Variants in CELF1 observed in about 807,000 individuals in gnomAD.
The protein encoded by CELF1 is CUGBP Elav-like family member 1.
A neutral mutation model predicts 61.8 loss-of-function variants in CELF1; 10 were observed. That is an observed-to-expected ratio of 0.16 (90% CI 0.10 to 0.27). The LOEUF (loss-of-function observed/expected upper bound fraction) is 0.27, where lower values mean the gene tolerates loss of function less well. Ranked by LOEUF, CELF1 falls within the 10% of genes least tolerant of loss-of-function variation. The probability of loss-of-function intolerance (pLI) is 1.00; values close to 1 mark genes in which losing one functional copy is unlikely to be tolerated. For synonymous variants in CELF1, 236 were observed against 225.1 expected (o/e 1.05, Z -0.43); for missense variants, 380 against 639.1 (o/e 0.59, Z 4.37).
intron 4 of CELF1, 107 bp from the exon 5 acceptor site, chr11:47,487,348 T>A: frequency 1.3e-6 from 1 of 761,730 alleles, no homozygotes; most frequent in Non-Finnish European, 2.1e-6. Flanking sequence ...CTGGGTTTAT[T>A]AAAATTAGTG....
At chr11:47,564,718 G>A (rs2097239162) in intron 1 of CELF1, among the ~76,000 whole-genome samples, 1 of 152,194 alleles carries the variant, frequency 6.6e-6, no homozygotes, top group Non-Finnish European at 1.5e-5. Flanking sequence ...TTGAACCCGG[G>A]AGGCGGAGGT....
upstream of CELF1, among the ~76,000 whole-genome samples, chr11:47,556,397 C>T (rs1458128064): frequency 6.6e-6 from 1 of 152,160 alleles, no homozygotes; most frequent in Non-Finnish European, 1.5e-5. Flanking sequence ...GTTGCCCAGG[C>T]TGATCTCAAA....
intron 4 of CELF1, among the ~76,000 whole-genome samples, 196 bp from the exon 5 acceptor site, chr11:47,487,437 T>C (rs2088145090): frequency 6.6e-6 from 1 of 152,222 alleles, no homozygotes; most frequent in Admixed American, 6.5e-5. Context: ...CACTTTATTG[T>C]TTTAGTCTCC....
At chr11:47,507,521 CA>C (rs1205650924) in intron 1 of CELF1, among the ~76,000 whole-genome samples, 3 of 152,080 alleles carry the variant, frequency 2.0e-5, no homozygotes, top group African/African-American at 7.2e-5. Flanking sequence ...AGAGGAACCA[CA>C]AAACCAATTT....
At position 47,563,646 on chromosome 11, in the gene CELF1, G is replaced by A. The variant is rs11039298; in HGVS notation, c.-11+705C>T. ...GGAGGTTGCAGTGAGTGGAGATGGC[G>A]CCACTACACTTCAGCCTAGTCAATA... On this transcript the variant is annotated intron_variant, in intron 2 of 3. Transcript: ENST00000525841. 6.9e-3 allele frequency among the ~76,000 whole-genome samples: 1,051 copies of A among 152,220 alleles called. 14 individuals are homozygous for A. Among genetic ancestry groups the A allele is most frequent in the African/African-American group, 0.023 (973 of 41,544 alleles).
At chr11:47,525,673 G>C (rs534854813) in intron 1 of CELF1, among the ~76,000 whole-genome samples, 4 of 152,114 alleles carry the variant, frequency 2.6e-5, no homozygotes, top group African/African-American at 9.7e-5. Flanking sequence ...TAGTATCAGT[G>C]ACCTCCAATC....
intron 1 of CELF1, among the ~76,000 whole-genome samples, chr11:47,515,156 C>A (rs1174034898): frequency 6.6e-6 from 1 of 152,234 alleles, no homozygotes; most frequent in East Asian, 1.9e-4. Context: ...TTCTACCTAT[C>A]ATTGCAGTTT....
At chr11:47,521,182 G>C (rs1016066775) in intron 1 of CELF1, among the ~76,000 whole-genome samples, 3 of 152,146 alleles carry the variant, frequency 2.0e-5, no homozygotes, top group Admixed American at 2.0e-4. Context: ...AACCTGGGAG[G>C]CGGAGTTTGC....
intron 1 of CELF1, among the ~76,000 whole-genome samples, chr11:47,537,437 C>G (rs1341041477): frequency 1.3e-5 from 2 of 151,836 alleles, no homozygotes; most frequent in East Asian, 3.9e-4. Context: ...TTAGTAGAGA[C>G]GGGGTTTCAC....
intron 1 of CELF1, among the ~76,000 whole-genome samples, chr11:47,545,915 ATT>A (rs11315630): frequency 0.087 from 11,768 of 135,456 alleles, 567 homozygotes; most frequent in African/African-American, 0.11. Context: ...GTATATATAT[ATT>A]TTTTTTTTTT....
upstream of CELF1, chr11:47,553,173 A>T (rs923012273): frequency 1.0e-4 from 40 of 392,960 alleles, no homozygotes; most frequent in Admixed American, 2.7e-4. Flanking sequence ...ACCGGCGGGG[A>T]GGGCAGAGGA....
rs1020254474 is a variant in CELF1, at chr11:47,466,831, A to C, written c.*5399T>G. The stretch of plus-strand genomic sequence containing the variant: ...GGGAGCCTCAGTGCCTCCTGCCAAC[A>C]GAGGCGGCTCTGTGCAGTCAGACTG... On this transcript the variant is annotated 3_prime_UTR_variant, in exon 15 of 15. Coordinates refer to ENST00000687097, the MANE Select transcript of CELF1 (RefSeq NM_001376376.1). The C allele has an allele frequency of 2.0e-5, 3 of 152,236 alleles. No homozygotes were observed. The highest frequency in any genetic ancestry group is 7.2e-5 in the African/African-American group (3 of 41,456). 9.4% of individuals were successfully genotyped at this position (152,236 alleles called of 1,614,324 possible).
chr11:47,477,456 C>A, intron 10 of CELF1, 31 bp from the exon 11 acceptor site: 1 of 1,609,348 alleles, frequency 6.2e-7, no homozygotes, highest in Non-Finnish European at 8.5e-7. Context: ...GATTAGCCAG[C>A]AGATAAGGGT....
chr11:47,499,299 A>G (rs1047111907), intron 3 of CELF1, among the ~76,000 whole-genome samples, 154 bp downstream of exon 3: 1 of 152,222 alleles, frequency 6.6e-6, no homozygotes, highest in Non-Finnish European at 1.5e-5. Flanking sequence ...ACAGACTACA[A>G]TTGAAAATAA....
chr11:47,532,378 G>A (rs2096505728), intron 1 of CELF1, among the ~76,000 whole-genome samples: 1 of 152,166 alleles, frequency 6.6e-6, no homozygotes, highest in Non-Finnish European at 1.5e-5. Context: ...TTAAAATGGG[G>A]AATCCACATA....
At chr11:47,534,696 C>T (rs2096585325) in intron 1 of CELF1, among the ~76,000 whole-genome samples, 1 of 152,000 alleles carries the variant, frequency 6.6e-6, no homozygotes, top group African/African-American at 2.4e-5. Flanking sequence ...CCACTGCACT[C>T]CAGCCTAGGC....
intron 1 of CELF1, among the ~76,000 whole-genome samples, chr11:47,524,222 A>T (rs2096113731): frequency 6.6e-6 from 1 of 152,030 alleles, no homozygotes; most frequent in Non-Finnish European, 1.5e-5. Flanking sequence ...CTCAAATTTT[A>T]TGTCAAAAAA....
At chr11:47,491,509 T>C (rs2091468656) in intron 3 of CELF1, among the ~76,000 whole-genome samples, 1 of 152,196 alleles carries the variant, frequency 6.6e-6, no homozygotes, top group African/African-American at 2.4e-5. Flanking sequence ...ACATCACCTT[T>C]GATGACTCTA....
intron 1 of CELF1, among the ~76,000 whole-genome samples, chr11:47,519,328 C>T (rs2095735894): frequency 6.6e-6 from 1 of 151,796 alleles, no homozygotes; most frequent in African/African-American, 2.4e-5. Context: ...CAAATACAAA[C>T]AAATTAGCCC....
Sources: allele counts gnomAD v4.1 joint callset (sites outside exome capture counted in the v4.1 genomes callset), GRCh38; gene constraint gnomAD v4.1.1; transcripts MANE v1.5; gene names NCBI Gene and HGNC (gene_info 2026-07-23, HGNC 2026-07-21).